Variants in IMMP2L observed in about 807,000 individuals in gnomAD.
IMMP2L encodes the protein inner mitochondrial membrane peptidase subunit 2, also known as mitochondrial inner membrane protease subunit 2.
A neutral mutation model predicts 19.3 loss-of-function variants in IMMP2L; 18 were observed. The observed-to-expected ratio is 0.93, with a 90% CI of 0.64 to 1.38. The LOEUF (loss-of-function observed/expected upper bound fraction) is 1.38, where lower values mean the gene tolerates loss of function less well. Ranked by LOEUF, IMMP2L falls within the 40% of genes most tolerant of loss-of-function variation. The pLI is 0.00. For missense variants in IMMP2L, 233 were observed against 218.2 expected (o/e 1.07, Z -0.43); for synonymous variants, 76 against 73.0 (o/e 1.04, Z -0.21).
intron 3 of IMMP2L, among the ~76,000 whole-genome samples, chr7:111,323,710 T>G (rs1387296968): frequency 6.6e-6 from 1 of 152,142 alleles, no homozygotes; most frequent in Admixed American, 6.6e-5. Flanking sequence ...ATTGCGGCAC[T>G]ATTCACAACA....
At chr7:110,955,364 C>T (rs1818261256) in intron 4 of IMMP2L, among the ~76,000 whole-genome samples, 1 of 151,754 alleles carries the variant, frequency 6.6e-6, no homozygotes, top group South Asian at 2.1e-4. Flanking sequence ...ATCCATAATA[C>T]ACTAATAATT....
At chr7:111,381,933 AG>A (rs531696170) in intron 3 of IMMP2L, among the ~76,000 whole-genome samples, 1 of 152,026 alleles carries the variant, frequency 6.6e-6, no homozygotes, top group Non-Finnish European at 1.5e-5. Flanking sequence ...AACAGGAAAG[AG>A]GAACACTTTT....
intron 5 of IMMP2L, among the ~76,000 whole-genome samples, chr7:110,688,431 A>T (rs1793263422): frequency 6.6e-6 from 1 of 152,126 alleles, no homozygotes; most frequent in Admixed American, 6.6e-5. Flanking sequence ...AAAACCAAAT[A>T]CTGGCCAATT....
chr7:110,950,841 C>CATATATATATATATATAT (rs34797718), intron 4 of IMMP2L, among the ~76,000 whole-genome samples: 151 of 100,522 alleles, frequency 1.5e-3, no homozygotes, highest in South Asian at 2.4e-3. Context: ...CAAAATGTGG[C>CATATATATATATATATAT]ATATATATAT....
rs149424930 is a variant in IMMP2L at position 111,135,059 on chromosome 7, A to C, written c.240-171494T>G. Among the ~76,000 whole-genome samples the C allele has an allele frequency of 4.1e-3, 626 of 152,272 alleles. 5 individuals are homozygous for C. The highest frequency in any genetic ancestry group is 0.014 in the African/African-American group (581 of 41,564). On this transcript the variant is annotated intron_variant, in intron 3 of 5. Transcript: ENST00000405709. ...CTATACTACTCAGGCCAATTGTTTC[A>C]GTGTGAATACTCAGAATATCAGGTA...
intron 3 of IMMP2L, among the ~76,000 whole-genome samples, chr7:111,058,769 C>A (rs1274456644): frequency 6.6e-6 from 1 of 152,110 alleles, no homozygotes; most frequent in African/African-American, 2.4e-5. Context: ...AAAACACCCA[C>A]CCCCAACAAA....
chr7:111,417,173 C>T (rs185944804), intron 3 of IMMP2L, among the ~76,000 whole-genome samples: 4 of 151,730 alleles, frequency 2.6e-5, no homozygotes, highest in Admixed American at 2.0e-4. Flanking sequence ...AAGCTTCAGG[C>T]CTCCTCATTT....
At chr7:110,921,382 T>C (rs577608084) in intron 4 of IMMP2L, among the ~76,000 whole-genome samples, 49 of 152,260 alleles carry the variant, frequency 3.2e-4, no homozygotes, top group African/African-American at 1.1e-3. Context: ...CAGGCACTTA[T>C]ATGGAGATGT....
chr7:111,199,271 T>A (rs1434541637), intron 3 of IMMP2L, among the ~76,000 whole-genome samples: 1 of 152,168 alleles, frequency 6.6e-6, no homozygotes. Flanking sequence ...AGTATGCGAG[T>A]ATTTCTATTT....
At chr7:111,423,187 G>T (rs1234807726) in intron 3 of IMMP2L, among the ~76,000 whole-genome samples, 1 of 151,698 alleles carries the variant, frequency 6.6e-6, no homozygotes, top group South Asian at 2.1e-4. Context: ...CTTTTTTGTT[G>T]TGTCTCTGCC....
chr7:111,250,330 C>T (rs1259294512), intron 3 of IMMP2L, among the ~76,000 whole-genome samples: 2 of 152,058 alleles, frequency 1.3e-5, no homozygotes, highest in Non-Finnish European at 2.9e-5. Context: ...CCATACTCCC[C>T]AAAGTAATTT....
At chr7:111,380,479 T>C (rs1831093099) in intron 3 of IMMP2L, among the ~76,000 whole-genome samples, 1 of 152,022 alleles carries the variant, frequency 6.6e-6, no homozygotes, top group African/African-American at 2.4e-5. Flanking sequence ...GGTTCAGATT[T>C]TTTTTCTTTA....
At chr7:111,045,885 A>G (rs1396565171) in intron 3 of IMMP2L, among the ~76,000 whole-genome samples, 1 of 152,234 alleles carries the variant, frequency 6.6e-6, no homozygotes, top group Non-Finnish European at 1.5e-5. Flanking sequence ...TTGCTATAAC[A>G]GCAATTTGAA....
intron 4 of IMMP2L, among the ~76,000 whole-genome samples, chr7:110,947,851 T>C (rs1379696029): frequency 6.6e-6 from 1 of 152,178 alleles, no homozygotes; most frequent in Non-Finnish European, 1.5e-5. Context: ...TATCACACAG[T>C]GGTCAGGGAA....
chr7:111,315,154 T>C (rs1400340670), intron 3 of IMMP2L, among the ~76,000 whole-genome samples: 2 of 152,142 alleles, frequency 1.3e-5, no homozygotes, highest in African/African-American at 4.8e-5. Flanking sequence ...GCTATCACAG[T>C]CCATCTTATA....
At chr7:111,357,323 A>G (rs929335601) in intron 3 of IMMP2L, among the ~76,000 whole-genome samples, 1 of 152,110 alleles carries the variant, frequency 6.6e-6, no homozygotes, top group Non-Finnish European at 1.5e-5. Context: ...TTTTCCAACA[A>G]TAACAATTTT....
chr7:111,041,854 G>T (rs1246875652), intron 3 of IMMP2L, among the ~76,000 whole-genome samples: 1 of 152,190 alleles, frequency 6.6e-6, no homozygotes, highest in African/African-American at 2.4e-5. Flanking sequence ...AGTGTCAAGA[G>T]CATAGGCTCT....
At position 111,462,999 on chromosome 7, in the gene IMMP2L, G is replaced by A. The variant is rs140697045; in HGVS notation, c.239+24239C>T. On this transcript the variant is annotated intron_variant, in intron 3 of 5. Transcript: ENST00000405709. ...CGAGGTGGCTTACAACAACATAAAGGTATTCTCACAGTTCCGGAGGCCAGA... is the reference window on the plus strand; with the variant it reads ...CGAGGTGGCTTACAACAACATAAAGATATTCTCACAGTTCCGGAGGCCAGA... Among the ~76,000 whole-genome samples, 365 of 152,212 alleles carry A rather than the reference G, an allele frequency of 2.4e-3. 3 individuals are homozygous for A. Among genetic ancestry groups the A allele is most frequent in the African/African-American group, 8.4e-3 (347 of 41,544 alleles).
At chr7:111,227,565 G>C (rs1813238250) in intron 3 of IMMP2L, among the ~76,000 whole-genome samples, 2 of 151,976 alleles carry the variant, frequency 1.3e-5, no homozygotes, top group South Asian at 4.2e-4. Context: ...ATGTTGAAAA[G>C]GAATCCCAAG....
Sources: gnomAD v4.1 joint callset for allele counts (sites outside exome capture counted in the v4.1 genomes callset) on GRCh38, gnomAD v4.1.1 for gene constraint, MANE v1.5 for transcripts, NCBI Gene and HGNC (gene_info 2026-07-23, HGNC 2026-07-21) for gene names.